The following ZFP1 variants were observed in gnomAD, a reference collection of about 807,000 sequenced individuals.
ZFP1 encodes ZFP1 zinc finger protein.
In ZFP1, 32 loss-of-function variants were observed where a neutral mutation model predicts 38.5. That is an observed-to-expected ratio of 0.83 (90% CI 0.63 to 1.12). The LOEUF is 1.12. ZFP1 is among the 50% of genes most tolerant of loss of function. The pLI is 0.00. For missense variants in ZFP1, 616 were observed against 480.8 expected (o/e 1.28, Z -2.63); for synonymous variants, 245 against 168.8 (o/e 1.45, Z -3.50).
At chr16:75,152,883 A>G in intron 1 of ZFP1, 26 bp from the exon 2 acceptor site, 4 of 1,604,814 alleles carry the variant, frequency 2.5e-6, no homozygotes, top group Non-Finnish European at 3.4e-6. Context: ...TTTAATAACA[A>G]TGCCTTCCTT....
At chr16:75,169,149 TAA>T in intron 3 of ZFP1, 102 bp from the exon 4 acceptor site, 1 of 1,382,158 alleles carries the variant, frequency 7.2e-7, no homozygotes, top group East Asian at 2.4e-5. Context: ...GGTCCCAAAC[TAA>T]AGAGTCAGCC....
chr16:75,123,232 T>C, the ZFP1 span, among the ~76,000 whole-genome samples: 1 of 151,400 alleles, frequency 6.6e-6, no homozygotes, highest in East Asian at 1.9e-4. Context: ...TGCATGCCTG[T>C]AGTCCCAGCT....
chr16:75,167,911 T>C (rs911923511), intron 3 of ZFP1, among the ~76,000 whole-genome samples: 17 of 152,044 alleles, frequency 1.1e-4, no homozygotes, highest in Admixed American at 5.9e-4. Flanking sequence ...ACCAACAACA[T>C]GGTGAAAACC....
At chr16:75,149,082 C>A (rs1279140429) in intron 1 of ZFP1, 1 of 152,118 alleles carries the variant, frequency 6.6e-6, no homozygotes, top group African/African-American at 2.4e-5. Context: ...GGAGCCTGGT[C>A]AGTTGCCGGT....
the ZFP1 span, among the ~76,000 whole-genome samples, chr16:75,131,968 CAA>C: frequency 1.5e-5 from 2 of 130,496 alleles, no homozygotes; most frequent in Admixed American, 1.6e-4. Flanking sequence ...GATTCCATCT[CAA>C]AAAAAAAAAA....
chr16:75,119,711 TTTG>T, the ZFP1 span: 1 of 152,192 alleles, frequency 6.6e-6, no homozygotes, highest in Non-Finnish European at 1.5e-5. Context: ...GCTTAACTGT[TTTG>T]TTGTTGTTCA....
chr16:75,149,364 A>G (rs1046032321), intron 1 of ZFP1: 7 of 152,016 alleles, frequency 4.6e-5, no homozygotes, highest in African/African-American at 1.7e-4. Flanking sequence ...TCTCGGGTGG[A>G]ATTTACTGTT....
intron 2 of ZFP1, among the ~76,000 whole-genome samples, chr16:75,160,643 A>G (rs2037721608): frequency 7.0e-6 from 1 of 143,242 alleles, no homozygotes; most frequent in Non-Finnish European, 1.5e-5. Flanking sequence ...TGGGTGACAA[A>G]GCGAGACTGC....
the ZFP1 span, among the ~76,000 whole-genome samples, chr16:75,125,283 A>G: frequency 1.3e-5 from 2 of 152,048 alleles, no homozygotes; most frequent in African/African-American, 4.8e-5. Flanking sequence ...TTTAATTAAA[A>G]TTATCACATC....
intron 2 of ZFP1, among the ~76,000 whole-genome samples, chr16:75,159,407 T>C (rs1311008896): frequency 1.6e-4 from 10 of 63,130 alleles, no homozygotes; most frequent in Non-Finnish European, 2.6e-4. Context: ...CTCTCACTTT[T>C]CATTTTTTTT....
rs1408867830 is a variant in ZFP1, at chr16:75,172,121, ATGTG to A, written c.*1790_*1793del. ...GCTGAATGGTATTTCCTTGAAAAGA[ATGTG>A]TGGGAACAAACTCCAAACTTCTCTA... On this transcript the variant is annotated 3_prime_UTR_variant, in exon 4 of 4. Transcript: ENST00000570010. The A allele has an allele frequency of 1.3e-5, 2 of 152,290 alleles. No individual in the cohort carries two copies. The highest frequency in any genetic ancestry group is 1.9e-4 in the East Asian group (1 of 5,178). The allele number at this position is 152,290 out of a possible 1,614,324, so 9.4% of individuals were successfully genotyped here.
At chr16:75,156,411 C>T (rs1235283513) in intron 2 of ZFP1, among the ~76,000 whole-genome samples, 3 of 152,104 alleles carry the variant, frequency 2.0e-5, no homozygotes, top group African/African-American at 7.2e-5. Flanking sequence ...GAGCCGAGAT[C>T]ATGCTACTGC....
the ZFP1 span, among the ~76,000 whole-genome samples, chr16:75,131,332 A>G: frequency 6.6e-6 from 1 of 152,096 alleles, no homozygotes; most frequent in Non-Finnish European, 1.5e-5. Flanking sequence ...GCAGTTTTCC[A>G]GGTAGGTGAA....
chr16:75,123,160 C>T, the ZFP1 span, among the ~76,000 whole-genome samples: 1 of 151,440 alleles, frequency 6.6e-6, no homozygotes, highest in Non-Finnish European at 1.5e-5. Flanking sequence ...TTGAGACCAG[C>T]CTGGCCAACA....
upstream of ZFP1, among the ~76,000 whole-genome samples, chr16:75,145,258 A>G (rs1167967064): frequency 2.0e-5 from 3 of 152,244 alleles, no homozygotes; most frequent in African/African-American, 4.8e-5. Flanking sequence ...GCCAAAATTC[A>G]AGACACTGAC....
At chr16:75,167,697 T>G (rs2038172855) in intron 3 of ZFP1, among the ~76,000 whole-genome samples, 1 of 152,054 alleles carries the variant, frequency 6.6e-6, no homozygotes. Flanking sequence ...CCTCCTGAGC[T>G]CAAGTAGTCT....
intron 1 of ZFP1, among the ~76,000 whole-genome samples, chr16:75,149,523 A>G (rs1245499114): frequency 8.4e-6 from 1 of 119,320 alleles, no homozygotes; most frequent in African/African-American, 3.1e-5. Context: ...GTAATACTAT[A>G]TTTTTGTATT....
chr16:75,135,260 C>CAAAAAGTGAATAGATAAACCAACTGTA, the ZFP1 span, among the ~76,000 whole-genome samples: 6 of 130,124 alleles, frequency 4.6e-5, no homozygotes, highest in African/African-American at 1.7e-4. Context: ...AGAGATCCTT[C>CAAAAAGTGAATAGATAAACCAACTGTA]ACTCATTCAT....
In ZFP1 at chr16:75,169,361, A is replaced by G. The variant is rs1439317117; in HGVS notation, c.251A>G (p.Asp84Gly). 2.5e-6 allele frequency: 4 copies of G among 1,614,172 alleles called. No individual in the cohort carries two copies. The highest frequency in any genetic ancestry group is 2.2e-5 in the East Asian group (1 of 44,882). The change falls in exon 4 of 4, where the codon GAT becomes GGT. Residue 84 changes from aspartate (D) to glycine (G), a missense_variant. Transcript: ENST00000570010. ...CAAACCCCAATTGAGGAAAGAGGCG[A>G]TCTCTTTGGAAAAGCACTTAATCTG... is the stretch of plus-strand genomic sequence containing the variant. ...KNQTPIEERG[D>G]LFGKALNLNT...
Sources: gnomAD v4.1 joint callset for allele counts (sites outside exome capture counted in the v4.1 genomes callset) on GRCh38, gnomAD v4.1.1 for gene constraint, MANE v1.5 for transcripts, NCBI Gene and HGNC (gene_info 2026-07-23, HGNC 2026-07-21) for gene names.